NRG1: variants seen among roughly 807,000 people sequenced by gnomAD.
The protein encoded by NRG1 is pro-neuregulin-1, membrane-bound isoform.
In NRG1, 18 loss-of-function variants were observed where a neutral mutation model predicts 63.8. That is an observed-to-expected ratio of 0.28 (90% confidence interval 0.19 to 0.42). The LOEUF (loss-of-function observed/expected upper bound fraction) is 0.42. Ranked by LOEUF, NRG1 falls within the 10% of genes least tolerant of loss-of-function variation. The pLI is 1.00. For synonymous variants in NRG1, 302 were observed against 301.3 expected, an observed-to-expected ratio of 1.00 and a Z score of -0.02; for missense variants, 762 against 814.7, an observed-to-expected ratio of 0.94 and a Z score of 0.79.
chr8:32,744,993 T>G (rs1827161673), intron 7 of NRG1, among the ~76,000 whole-genome samples: 1 of 152,198 alleles, frequency 6.6e-6, no homozygotes, highest in Admixed American at 6.6e-5. Context: ...AAAGATTGAT[T>G]GCACATTTAT....
intron 1 of NRG1, among the ~76,000 whole-genome samples, chr8:32,236,627 T>G (rs1847588370): frequency 6.6e-6 from 1 of 152,152 alleles, no homozygotes; most frequent in African/African-American, 2.4e-5. Context: ...TTTGTTTTCT[T>G]TGTCTCAGCT....
chr8:32,515,874 T>C (rs534333270), intron 1 of NRG1, among the ~76,000 whole-genome samples: 4 of 152,342 alleles, frequency 2.6e-5, no homozygotes, highest in Middle Eastern at 3.4e-3. Flanking sequence ...GTCTGTGTAC[T>C]CTGTCAATTG....
chr8:31,678,550 G>A (rs765510368), intron 1 of NRG1, among the ~76,000 whole-genome samples: 9 of 151,480 alleles, frequency 5.9e-5, no homozygotes, highest in South Asian at 2.1e-4. Flanking sequence ...CTTCACTTAC[G>A]CTTTTTCCAT....
chr8:32,136,828 A>T (rs1323720515), intron 1 of NRG1: 1 of 152,192 alleles, frequency 6.6e-6, no homozygotes, highest in African/African-American at 2.4e-5. Flanking sequence ...TCACAACCAA[A>T]GTCTATATTC....
At chr8:32,725,517 C>A (rs1354306697) in intron 5 of NRG1, among the ~76,000 whole-genome samples, 1 of 128,316 alleles carries the variant, frequency 7.8e-6, no homozygotes, top group Non-Finnish European at 1.6e-5. Flanking sequence ...TCTCTGTCAC[C>A]CAGGCTTCAG....
chr8:32,133,198 G>A (rs1013944043), intron 1 of NRG1, among the ~76,000 whole-genome samples: 2 of 152,084 alleles, frequency 1.3e-5, no homozygotes, highest in African/African-American at 4.8e-5. Context: ...ATAATGGCAG[G>A]AAAAAGAATT....
At chr8:32,189,164 G>A (rs565270049) in intron 1 of NRG1, among the ~76,000 whole-genome samples, 1 of 152,132 alleles carries the variant, frequency 6.6e-6, no homozygotes, top group African/African-American at 2.4e-5. Flanking sequence ...ACATGTACAG[G>A]TTTGTTACAT....
At chr8:32,703,829 G>A (rs1198827497) in intron 5 of NRG1, among the ~76,000 whole-genome samples, 14 of 152,122 alleles carry the variant, frequency 9.2e-5, no homozygotes, top group Admixed American at 9.2e-4. Context: ...CAACACAATC[G>A]ATCTTTGAAA....
At chr8:32,309,189 G>A (rs1380482252) in intron 1 of NRG1, among the ~76,000 whole-genome samples, 1 of 152,134 alleles carries the variant, frequency 6.6e-6, no homozygotes, top group East Asian at 1.9e-4. Flanking sequence ...TCCTCTGGGA[G>A]GGGTACCCTT....
intron 1 of NRG1, among the ~76,000 whole-genome samples, chr8:32,145,749 G>A (rs2131778590): frequency 6.6e-6 from 1 of 152,294 alleles, no homozygotes; most frequent in East Asian, 1.9e-4. Context: ...CTCTGTAAAT[G>A]GTGTTAGGGT....
intron 1 of NRG1, among the ~76,000 whole-genome samples, chr8:31,953,584 G>GA (rs1430930006): frequency 6.6e-6 from 1 of 152,134 alleles, no homozygotes; most frequent in Admixed American, 6.5e-5. Flanking sequence ...TGTCAGATGA[G>GA]AAAAAAGATC....
chr8:31,842,451 A>C (rs1334273342), intron 1 of NRG1, among the ~76,000 whole-genome samples: 1 of 152,182 alleles, frequency 6.6e-6, no homozygotes, highest in Non-Finnish European at 1.5e-5. Context: ...CAATGAAGCC[A>C]TTTCTTCCCA....
intron 1 of NRG1, among the ~76,000 whole-genome samples, chr8:32,011,409 A>G (rs1265072908): frequency 6.6e-6 from 1 of 152,064 alleles, no homozygotes; most frequent in African/African-American, 2.4e-5. Flanking sequence ...CCCACGATTA[A>G]CACTTCAACC....
intron 1 of NRG1, among the ~76,000 whole-genome samples, chr8:31,773,343 T>C (rs1818815011): frequency 6.6e-6 from 1 of 152,210 alleles, no homozygotes; most frequent in African/African-American, 2.4e-5. Context: ...GAAGGAGTCC[T>C]GTTCATTTGA....
intron 1 of NRG1, among the ~76,000 whole-genome samples, chr8:32,581,238 G>A (rs1840576017): frequency 6.6e-6 from 1 of 152,162 alleles, no homozygotes; most frequent in Admixed American, 6.5e-5. Context: ...AGGGAATAAA[G>A]CCAGTTATCT....
intron 2 of NRG1, among the ~76,000 whole-genome samples, chr8:32,600,005 T>G (rs1221431456): frequency 6.6e-6 from 1 of 152,198 alleles, no homozygotes; most frequent in Non-Finnish European, 1.5e-5. Context: ...CTCTGGCAGA[T>G]CACTTGAACT....
intron 1 of NRG1, among the ~76,000 whole-genome samples, chr8:31,956,619 G>A (rs563400187): frequency 1.7e-4 from 26 of 151,974 alleles, no homozygotes; most frequent in Non-Finnish European, 3.1e-4. Context: ...GCGAGACTCC[G>A]TCTCAAAAAA....
At chr8:32,045,775 C>G (rs940182841) in intron 1 of NRG1, among the ~76,000 whole-genome samples, 1 of 151,814 alleles carries the variant, frequency 6.6e-6, no homozygotes. Flanking sequence ...GAAAATGCAA[C>G]CTAATCCTCA....
At chr8:31,990,724 T>C (rs444222) in intron 1 of NRG1, among the ~76,000 whole-genome samples, 8,334 of 152,196 alleles carry the variant, frequency 0.055, 589 homozygotes, top group African/African-American at 0.16. Flanking sequence ...TCCTTTGTGG[T>C]CATTCTAACC....
Sources: allele counts gnomAD v4.1 joint callset (sites outside exome capture counted in the v4.1 genomes callset), GRCh38; gene constraint gnomAD v4.1.1; transcripts MANE v1.5; gene names NCBI Gene and HGNC (gene_info 2026-07-23, HGNC 2026-07-21).